The following CLVS1 variants were observed in gnomAD, a reference collection of about 807,000 sequenced individuals.
The protein encoded by CLVS1 is clavesin-1.
In CLVS1, 10 loss-of-function variants were observed where a neutral mutation model predicts 33.1. That is an observed-to-expected ratio of 0.30 (90% CI 0.19 to 0.51). The LOEUF is 0.51. CLVS1 is among the 20% of genes least tolerant of loss of function. The pLI, the probability that CLVS1 is intolerant of heterozygous loss-of-function variation, is 0.97. For synonymous variants in CLVS1, 163 were observed against 166.1 expected (o/e 0.98, Z 0.14); for missense variants, 343 against 433.4 (o/e 0.79, Z 1.85).
chr8:61,340,479 T>C (rs913288324), intron 2 of CLVS1, among the ~76,000 whole-genome samples: 22 of 152,350 alleles, frequency 1.4e-4, no homozygotes, highest in Non-Finnish European at 2.4e-4. Context: ...TAATACAATG[T>C]CTTCCAGGTT....
chr8:61,121,422 A>G (rs1563410998), intron 1 of CLVS1, among the ~76,000 whole-genome samples: 1 of 151,578 alleles, frequency 6.6e-6, no homozygotes, highest in Admixed American at 6.6e-5. Context: ...TATTTTTTCA[A>G]CTATTGGATT....
chr8:61,249,473 C>T lies in CLVS1; in HGVS notation c.-151-50204C>T, dbSNP rs189239123. Among the ~76,000 whole-genome samples, 444 of 152,284 alleles carry T rather than the reference C, an allele frequency of 2.9e-3. 4 individuals carry two copies. The highest frequency in any genetic ancestry group is 7.6e-3 in the Admixed American group (116 of 15,300). The stretch of plus-strand genomic sequence containing the variant: ...GCTGGGTCAGATGGTATTTCTAGTT[C>T]TGGATCCTTGAGGAATCACCACACT... On this transcript the variant is annotated intron_variant, in intron 2 of 2. Transcript: ENST00000522621.
chr8:61,074,855 C>A (rs558019355), intron 1 of CLVS1, among the ~76,000 whole-genome samples: 2 of 151,932 alleles, frequency 1.3e-5, no homozygotes, highest in African/African-American at 4.8e-5. Context: ...TGAATACATA[C>A]CCTTGGAATT....
At chr8:61,129,927 C>G (rs1479571039) in intron 1 of CLVS1, among the ~76,000 whole-genome samples, 1 of 152,102 alleles carries the variant, frequency 6.6e-6, no homozygotes, top group East Asian at 1.9e-4. Context: ...TTTCTGTAAT[C>G]CTGATTGATC....
Position 61,415,081 on chromosome 8 carries a change from C to T in CLVS1, c.630+38302C>T, listed in dbSNP as rs374747252. Among the ~76,000 whole-genome samples, 84 of 152,370 alleles carry T rather than the reference C, an allele frequency of 5.5e-4. 1 individual carries two copies. Among genetic ancestry groups the T allele is most frequent in the African/African-American group, 1.9e-3 (80 of 41,586 alleles). On this transcript the variant is annotated intron_variant, in intron 3 of 5. Transcript: ENST00000325897. ...TTGCAATGCTGCTCTGGGCAAAGGC[C>T]CAAGGCTTTTGGCTTAATTATGCTC...
At chr8:61,481,425 G>A (rs1818190862) in intron 5 of CLVS1, among the ~76,000 whole-genome samples, 1 of 152,140 alleles carries the variant, frequency 6.6e-6, no homozygotes, top group African/African-American at 2.4e-5. Flanking sequence ...AAGCGCAAGG[G>A]GTCAGAGGAT....
chr8:61,341,929 A>G (rs1006611032), intron 2 of CLVS1, among the ~76,000 whole-genome samples: 1 of 152,188 alleles, frequency 6.6e-6, no homozygotes, highest in Non-Finnish European at 1.5e-5. Context: ...AGTGCTGTGC[A>G]TTTTAAGAGT....
At chr8:61,132,562 G>T (rs1236624954) in intron 2 of CLVS1, among the ~76,000 whole-genome samples, 2 of 152,178 alleles carry the variant, frequency 1.3e-5, no homozygotes, top group Non-Finnish European at 2.9e-5. Flanking sequence ...CCTGTCTTTT[G>T]TCCTTCTTTC....
chr8:61,285,410 T>C (rs925119911), upstream of CLVS1, among the ~76,000 whole-genome samples: 7 of 152,190 alleles, frequency 4.6e-5, no homozygotes, highest in African/African-American at 1.7e-4. Context: ...CTTACCCTGA[T>C]TGACATTGTG....
chr8:61,086,617 A>G (rs1268346219), intron 1 of CLVS1, among the ~76,000 whole-genome samples: 1 of 151,874 alleles, frequency 6.6e-6, no homozygotes, highest in Non-Finnish European at 1.5e-5. Context: ...TTTTTTTTCA[A>G]GTTGGCATTT....
chr8:61,085,883 G>A (rs1371570261), intron 1 of CLVS1, among the ~76,000 whole-genome samples: 1 of 151,498 alleles, frequency 6.6e-6, no homozygotes, highest in Non-Finnish European at 1.5e-5. Flanking sequence ...AATTAGCCGG[G>A]TATGGTGGCG....
At chr8:61,108,623 C>T (rs1805578719) in intron 1 of CLVS1, among the ~76,000 whole-genome samples, 1 of 152,210 alleles carries the variant, frequency 6.6e-6, no homozygotes, top group Admixed American at 6.5e-5. Flanking sequence ...CAAGAGATCT[C>T]TTAAGACCCA....
chr8:61,170,324 C>G (rs956664941), intron 2 of CLVS1, among the ~76,000 whole-genome samples: 1 of 152,122 alleles, frequency 6.6e-6, no homozygotes, highest in Non-Finnish European at 1.5e-5. Context: ...CTCTCTCTCA[C>G]TTTCTCCCCC....
chr8:61,366,110 T>A (rs1813200752), intron 2 of CLVS1, among the ~76,000 whole-genome samples: 1 of 152,208 alleles, frequency 6.6e-6, no homozygotes, highest in African/African-American at 2.4e-5. Flanking sequence ...ATAGCTCACT[T>A]CCATTGGGAT....
intron 2 of CLVS1, among the ~76,000 whole-genome samples, chr8:61,315,292 C>T (rs1394758551): frequency 5.3e-5 from 8 of 152,204 alleles, no homozygotes. Context: ...AAAGATAAGG[C>T]TTTGTCTTTG....
chr8:61,340,796 A>C (rs1200491475), intron 2 of CLVS1, among the ~76,000 whole-genome samples: 1 of 152,180 alleles, frequency 6.6e-6, no homozygotes, highest in Non-Finnish European at 1.5e-5. Flanking sequence ...TGTTAGATAC[A>C]TTTCTAATTG....
At chr8:61,091,068 G>A (rs2882219) in intron 1 of CLVS1, among the ~76,000 whole-genome samples, 1,910 of 152,272 alleles carry the variant, frequency 0.013, 34 homozygotes, top group African/African-American at 0.039. Flanking sequence ...CTTTGCAGAC[G>A]TGATTAAATT....
At chr8:61,088,227 G>A (rs963473134) in intron 1 of CLVS1, among the ~76,000 whole-genome samples, 1 of 152,180 alleles carries the variant, frequency 6.6e-6, no homozygotes, top group Non-Finnish European at 1.5e-5. Context: ...GATGGCTCAC[G>A]CTTGTAATCC....
chr8:61,495,117 T>G (rs1361998846), intron 5 of CLVS1, among the ~76,000 whole-genome samples: 2 of 152,138 alleles, frequency 1.3e-5, no homozygotes, highest in African/African-American at 4.8e-5. Context: ...CCAATTTGAC[T>G]CAATGTGGAG....
Sources: gnomAD v4.1 joint callset for allele counts (sites outside exome capture counted in the v4.1 genomes callset) on GRCh38, gnomAD v4.1.1 for gene constraint, MANE v1.5 for transcripts, NCBI Gene and HGNC (gene_info 2026-07-23, HGNC 2026-07-21) for gene names.